The following BABAM2 variants were observed in gnomAD, a reference collection of about 807,000 sequenced individuals.
The protein encoded by BABAM2 is BRISC and BRCA1 A complex member 2.
In BABAM2, 31 loss-of-function variants were observed where a neutral mutation model predicts 54.7. That is an observed-to-expected ratio of 0.57 (90% CI 0.43 to 0.77). The LOEUF (loss-of-function observed/expected upper bound fraction) is 0.77. BABAM2 is among the 30% of genes least tolerant of loss of function. The probability of loss-of-function intolerance (pLI) is 0.00; values close to 1 mark genes in which losing one functional copy is unlikely to be tolerated. For synonymous variants in BABAM2, 167 were observed against 162.9 expected (o/e 1.03, Z -0.19); for missense variants, 364 against 455.8 (o/e 0.80, Z 1.83).
intron 11 of BABAM2, among the ~76,000 whole-genome samples, chr2:28,307,076 G>A (rs1372208310): frequency 2.9e-5 from 4 of 135,682 alleles, no homozygotes; most frequent in South Asian, 4.7e-4. Context: ...GCGTGATCTC[G>A]GCTCACTGCA....
intron 11 of BABAM2, among the ~76,000 whole-genome samples, chr2:28,318,031 T>G (rs1281100003): frequency 6.6e-6 from 1 of 152,234 alleles, no homozygotes; most frequent in Non-Finnish European, 1.5e-5. Flanking sequence ...TTCCACCTGC[T>G]TTTTGGTCCT....
chr2:28,191,267 A>G (rs1356580755), intron 7 of BABAM2, among the ~76,000 whole-genome samples: 2 of 152,234 alleles, frequency 1.3e-5, no homozygotes, highest in African/African-American at 4.8e-5. Flanking sequence ...AGCATTGGCA[A>G]GGATGTAGAA....
At chr2:28,231,560 A>T (rs1347063296) in intron 7 of BABAM2, among the ~76,000 whole-genome samples, 3 of 152,076 alleles carry the variant, frequency 2.0e-5, no homozygotes, top group Non-Finnish European at 4.4e-5. Flanking sequence ...CCTGAATCAT[A>T]CTGTGGAGGA....
intron 2 of BABAM2, among the ~76,000 whole-genome samples, chr2:27,901,086 T>A (rs1466439254): frequency 6.6e-6 from 1 of 151,292 alleles, no homozygotes; most frequent in African/African-American, 2.4e-5. Context: ...AAGTGTATTA[T>A]CTAATACTGG....
At chr2:27,958,875 C>T (rs1210746619) in intron 3 of BABAM2, among the ~76,000 whole-genome samples, 1 of 152,048 alleles carries the variant, frequency 6.6e-6, no homozygotes, top group Non-Finnish European at 1.5e-5. Flanking sequence ...TGGTTTTTTC[C>T]AGAGGAGTGC....
chr2:28,280,717 T>G (rs1189566447), intron 10 of BABAM2, among the ~76,000 whole-genome samples: 1 of 152,220 alleles, frequency 6.6e-6, no homozygotes, highest in Non-Finnish European at 1.5e-5. Context: ...CTAAGGTTTT[T>G]CTGAGCTAAG....
intron 10 of BABAM2, among the ~76,000 whole-genome samples, chr2:28,257,561 A>G (rs1032650371): frequency 3.3e-5 from 5 of 152,214 alleles, no homozygotes; most frequent in African/African-American, 9.6e-5. Context: ...GATGCTGAAC[A>G]TTTATTTGTT....
chr2:28,191,579 G>C (rs1011181796), intron 7 of BABAM2, among the ~76,000 whole-genome samples: 20 of 152,236 alleles, frequency 1.3e-4, no homozygotes, highest in Non-Finnish European at 2.6e-4. Context: ...GTATACTATT[G>C]GTACGCACAA....
intron 10 of BABAM2, among the ~76,000 whole-genome samples, chr2:28,261,408 C>T (rs148726930): frequency 0.018 from 2,753 of 151,286 alleles, 77 homozygotes; most frequent in African/African-American, 0.064. Context: ...TGGCTTACTG[C>T]AAGCTCCACC....
intron 6 of BABAM2, among the ~76,000 whole-genome samples, chr2:28,060,899 T>C (rs1678803224): frequency 6.6e-6 from 1 of 152,182 alleles, no homozygotes; most frequent in African/African-American, 2.4e-5. Context: ...TATCAGTTCT[T>C]CCTAAATTGG....
intron 2 of BABAM2, among the ~76,000 whole-genome samples, chr2:27,919,790 C>T (rs1436434332): frequency 1.3e-5 from 2 of 152,062 alleles, no homozygotes; most frequent in African/African-American, 4.8e-5. Context: ...TAATTTAAAC[C>T]ACATTTTTGT....
intron 6 of BABAM2, among the ~76,000 whole-genome samples, chr2:28,097,136 A>G (rs984433563): frequency 6.6e-6 from 1 of 152,186 alleles, no homozygotes; most frequent in Non-Finnish European, 1.5e-5. Context: ...GACTGAGGAC[A>G]TGAATAAGAG....
intron 2 of BABAM2, among the ~76,000 whole-genome samples, chr2:27,924,535 C>T (rs555177546): frequency 6.2e-4 from 95 of 152,146 alleles, no homozygotes; most frequent in African/African-American, 2.3e-3. Flanking sequence ...CAGGCATGCA[C>T]ACCACACCTG....
At position 28,026,865 on chromosome 2, in the gene BABAM2, T is replaced by TATATATAAATATATATAA. The variant is rs1675788045; in HGVS notation, c.495+1452_495+1453insAATATATATAAATATATA. Among the ~76,000 whole-genome samples the TATATATAAATATATATAA allele has an allele frequency of 1.4e-4, 7 of 49,592 alleles. 1 individual carries two copies. Among genetic ancestry groups the TATATATAAATATATATAA allele is most frequent in the Admixed American group, 5.7e-4 (2 of 3,502 alleles). 32.5% of individuals were successfully genotyped at this position (49,592 alleles called of 152,430 possible). On this transcript the variant is annotated intron_variant, in intron 5 of 11. Transcript: ENST00000379624. ...ATAAATATATATTTATATATATAGA[T>TATATATAAATATATATAA]ATATATATTTATATATATATAGATA...
chr2:27,929,712 G>A (rs1368970226), intron 2 of BABAM2, 120 bp from the exon 3 acceptor site: 1 of 830,622 alleles, frequency 1.2e-6, no homozygotes, highest in African/African-American at 1.7e-5. Flanking sequence ...TGTTCTGTAA[G>A]CCAGTGTTTT....
intron 7 of BABAM2, 108 bp downstream of exon 7, chr2:28,129,488 CTT>C (rs1178004509): frequency 2.0e-6 from 2 of 1,003,008 alleles, no homozygotes; most frequent in Non-Finnish European, 3.0e-6. Context: ...TCTTCATTGA[CTT>C]TTGTTTTCTT....
intron 7 of BABAM2, among the ~76,000 whole-genome samples, chr2:28,137,237 T>C (rs62142460): frequency 1.3e-5 from 2 of 152,106 alleles, no homozygotes; most frequent in African/African-American, 4.8e-5. Flanking sequence ...GCCTTACTCA[T>C]GTTTTCTCGA....
At chr2:28,100,182 G>A (rs1666957355) in intron 6 of BABAM2, among the ~76,000 whole-genome samples, 1 of 151,994 alleles carries the variant, frequency 6.6e-6, no homozygotes, top group African/African-American at 2.4e-5. Flanking sequence ...AGGCACAGTG[G>A]CTCACACCTG....
intron 7 of BABAM2, among the ~76,000 whole-genome samples, chr2:28,156,984 T>A (rs989052776): frequency 1.3e-5 from 2 of 152,258 alleles, no homozygotes; most frequent in African/African-American, 4.8e-5. Flanking sequence ...TACATATTTC[T>A]CTTTAGAAAA....
Sources: gnomAD v4.1 joint callset for allele counts (sites outside exome capture counted in the v4.1 genomes callset) on GRCh38, gnomAD v4.1.1 for gene constraint, MANE v1.5 for transcripts, NCBI Gene and HGNC (gene_info 2026-07-23, HGNC 2026-07-21) for gene names.